PDE1A: variants seen among roughly 807,000 people sequenced by gnomAD.
PDE1A encodes dual specificity calcium/calmodulin-dependent 3',5'-cyclic nucleotide phosphodiesterase 1A.
A neutral mutation model predicts 61.7 loss-of-function variants in PDE1A; 35 were observed. The observed-to-expected ratio is 0.57, with a 90% confidence interval of 0.43 to 0.75. The LOEUF (loss-of-function observed/expected upper bound fraction) is 0.75, where lower values mean the gene tolerates loss of function less well. Ranked by LOEUF, PDE1A falls within the 30% of genes least tolerant of loss-of-function variation. PDE1A has a pLI of 0.00. For missense variants in PDE1A, 597 were observed against 630.6 expected, an observed-to-expected ratio of 0.95 and a Z score of 0.57; for synonymous variants, 232 against 213.2, an observed-to-expected ratio of 1.09 and a Z score of -0.77.
chr2:182,439,694 C>T (rs769203380), intron 2 of PDE1A, among the ~76,000 whole-genome samples: 1 of 151,978 alleles, frequency 6.6e-6, no homozygotes, highest in African/African-American at 2.4e-5. Context: ...ACAAAAAGTT[C>T]TGAAACCAAG....
At chr2:182,592,120 C>T in the PDE1A span, among the ~76,000 whole-genome samples, 6 of 152,176 alleles carry the variant, frequency 3.9e-5, no homozygotes, top group African/African-American at 1.4e-4. Context: ...TCGATGCCAG[C>T]TTGGTATTGC....
intron 1 of PDE1A, among the ~76,000 whole-genome samples, chr2:182,353,864 A>T (rs1419710494): frequency 6.6e-6 from 1 of 152,110 alleles, no homozygotes; most frequent in Non-Finnish European, 1.5e-5. Context: ...ATTTTAATAA[A>T]TCTAATTATA....
At position 182,241,818 on chromosome 2, in the gene PDE1A, C is replaced by G. The variant is rs757781481; in HGVS notation, c.168-1526G>C. On this transcript the variant is annotated intron_variant, in intron 2 of 13. Coordinates refer to ENST00000351439, the Ensembl canonical transcript of PDE1A. ...AATACTTACTCTATATGATTTTTAA[C>G]TTTCTTTCTGATCTGACATTTGGAT... 1.3e-5 allele frequency: 20 copies of G among 1,529,916 alleles called. No individual in the cohort carries two copies. In the South Asian group the frequency reaches 2.4e-4, roughly 18 times the overall value. The allele number at this position is 1,529,916 out of a possible 1,614,324, so 94.8% of individuals were successfully genotyped here.
the PDE1A span, among the ~76,000 whole-genome samples, chr2:182,627,924 A>G: frequency 4.7e-5 from 7 of 150,268 alleles, no homozygotes; most frequent in African/African-American, 1.7e-4. Context: ...AGCCTGGGCA[A>G]CAGAGTGAGA....
At chr2:182,457,531 C>G (rs1441777983) in intron 2 of PDE1A, among the ~76,000 whole-genome samples, 5 of 151,902 alleles carry the variant, frequency 3.3e-5, no homozygotes, top group Non-Finnish European at 4.4e-5. Context: ...ACTTCCAACT[C>G]TGAAAGTCTA....
the PDE1A span, among the ~76,000 whole-genome samples, chr2:182,611,272 G>C: frequency 2.0e-5 from 3 of 152,136 alleles, no homozygotes; most frequent in Non-Finnish European, 4.4e-5. Context: ...ACTCCAAGCT[G>C]TTTACCACTT....
At chr2:182,657,516 C>T in the PDE1A span, among the ~76,000 whole-genome samples, 1 of 152,154 alleles carries the variant, frequency 6.6e-6, no homozygotes, top group South Asian at 2.1e-4. Context: ...TATATTGCTA[C>T]TCTACCTTCT....
rs16823229 is a variant in PDE1A, at chr2:182,426,393, G to A, written c.53+185C>T. 9.0e-3 allele frequency among the ~76,000 whole-genome samples: 1,364 copies of A among 152,284 alleles called. 17 individuals are homozygous for A. The highest frequency in any genetic ancestry group is 0.031 in the African/African-American group (1,297 of 41,550). On this transcript the variant is annotated intron_variant, in intron 1 of 13. Transcript: ENST00000351439. ...AAAATGTATTTTCAGGAGTTGATAA[G>A]AGTTTGTGCACAAAGTTTCAGAAAA... is the stretch of plus-strand genomic sequence containing the variant.
At chr2:182,226,224 AAG>A (rs1165640525) in intron 6 of PDE1A, among the ~76,000 whole-genome samples, 2 of 149,992 alleles carry the variant, frequency 1.3e-5, no homozygotes, top group African/African-American at 5.1e-5. Context: ...CAATAGTAAA[AAG>A]AAATTAAATT....
chr2:182,609,988 TGAGG>T, the PDE1A span, among the ~76,000 whole-genome samples: 31 of 151,480 alleles, frequency 2.0e-4, no homozygotes, highest in Middle Eastern at 3.2e-3. Flanking sequence ...CTTGGGAGGC[TGAGG>T]TAGGAGAATC....
intron 1 of PDE1A, among the ~76,000 whole-genome samples, chr2:182,325,429 C>A (rs550731567): frequency 6.6e-6 from 1 of 151,808 alleles, no homozygotes; most frequent in African/African-American, 2.4e-5. Flanking sequence ...GATATGACAC[C>A]AAAAACATGG....
At chr2:182,683,246 T>C in the PDE1A span, among the ~76,000 whole-genome samples, 2 of 151,728 alleles carry the variant, frequency 1.3e-5, no homozygotes, top group Non-Finnish European at 2.9e-5. Context: ...CGTGCTGTAA[T>C]TTTTGTACTT....
At chr2:182,685,355 A>G in the PDE1A span, among the ~76,000 whole-genome samples, 1 of 152,156 alleles carries the variant, frequency 6.6e-6, no homozygotes, top group African/African-American at 2.4e-5. Flanking sequence ...CTAATGATGT[A>G]TTTGTATGCT....
chr2:182,711,653 G>T, the PDE1A span, among the ~76,000 whole-genome samples: 4 of 152,150 alleles, frequency 2.6e-5, no homozygotes, highest in Admixed American at 2.0e-4. Flanking sequence ...TATAATGGCT[G>T]AGCCAGGAAA....
intron 8 of PDE1A, among the ~76,000 whole-genome samples, chr2:182,203,265 A>G (rs1686818598): frequency 6.6e-6 from 1 of 152,162 alleles, no homozygotes; most frequent in Non-Finnish European, 1.5e-5. Flanking sequence ...GCTTGCAGTG[A>G]GCCGAGATTG....
intron 2 of PDE1A, among the ~76,000 whole-genome samples, chr2:182,513,217 C>G (rs546813933): frequency 6.6e-6 from 1 of 152,148 alleles, no homozygotes; most frequent in African/African-American, 2.4e-5. Flanking sequence ...AGGCTGCCTA[C>G]AGAGAGAACT....
chr2:182,251,722 T>A (rs1386524920), intron 2 of PDE1A, among the ~76,000 whole-genome samples: 1 of 152,252 alleles, frequency 6.6e-6, no homozygotes, highest in Non-Finnish European at 1.5e-5. Context: ...CACTGCTTAT[T>A]TCCTTATGCA....
chr2:182,150,957 C>G (rs1333857917), intron 13 of PDE1A, among the ~76,000 whole-genome samples: 1 of 152,150 alleles, frequency 6.6e-6, no homozygotes, highest in Non-Finnish European at 1.5e-5. Context: ...GAGAAATAAC[C>G]TGTTAGGATA....
At chr2:182,378,239 GTT>G (rs1228503262) in intron 1 of PDE1A, among the ~76,000 whole-genome samples, 3 of 152,134 alleles carry the variant, frequency 2.0e-5, no homozygotes, top group Non-Finnish European at 2.9e-5. Context: ...CAACACAAAA[GTT>G]TGCATAATGA....
Sources: gnomAD v4.1 joint callset for allele counts (sites outside exome capture counted in the v4.1 genomes callset) on GRCh38, gnomAD v4.1.1 for gene constraint, MANE v1.5 for transcripts, NCBI Gene and HGNC (gene_info 2026-07-23, HGNC 2026-07-21) for gene names.